Variants in TTC7A observed in about 807,000 individuals in gnomAD.
TTC7A encodes tetratricopeptide repeat protein 7A.
TTC7A carries 110 observed loss-of-function variants against 103.7 expected under a neutral mutation model. That is an observed-to-expected ratio of 1.06 (90% CI 0.91 to 1.24). TTC7A has a LOEUF of 1.24. Ranked by LOEUF, TTC7A falls within the 50% of genes most tolerant of loss-of-function variation. The pLI is 0.00. For missense variants in TTC7A, 1,340 were observed against 1,116.3 expected, an observed-to-expected ratio of 1.20 and a Z score of -2.86; for synonymous variants, 521 against 467.9, an observed-to-expected ratio of 1.11 and a Z score of -1.47.
chr2:47,013,824 G>C (rs1678330119), intron 11 of TTC7A, among the ~76,000 whole-genome samples: 1 of 152,228 alleles, frequency 6.6e-6, no homozygotes, highest in Non-Finnish European at 1.5e-5. Flanking sequence ...GAATCGAGGA[G>C]AAGGGTGAGC....
At chr2:46,966,045 G>T (rs958162091) in intron 3 of TTC7A, among the ~76,000 whole-genome samples, 21 of 151,988 alleles carry the variant, frequency 1.4e-4, no homozygotes, top group African/African-American at 4.6e-4. Context: ...CACCTCCCGG[G>T]TTCAAGCAAT....
intron 2 of TTC7A, among the ~76,000 whole-genome samples, chr2:46,930,515 TTTA>T (rs1669637867): frequency 6.6e-6 from 1 of 150,666 alleles, no homozygotes; most frequent in Non-Finnish European, 1.5e-5. Flanking sequence ...TTTTTTTTTT[TTTA>T]GACAAAGTCT....
intron 4 of TTC7A, among the ~76,000 whole-genome samples, chr2:46,977,399 T>G (rs148824761): frequency 6.6e-6 from 1 of 152,190 alleles, no homozygotes; most frequent in African/African-American, 2.4e-5. Context: ...TGATTTTTTT[T>G]CCCCTCAGAT....
chr2:47,005,232 GA>G (rs929809818), intron 8 of TTC7A, among the ~76,000 whole-genome samples: 71 of 152,160 alleles, frequency 4.7e-4, no homozygotes, highest in South Asian at 8.3e-4. Flanking sequence ...GAGAGGAAGG[GA>G]GGGGGGGGCT....
chr2:47,048,798 ATACTCTGT>A (rs1199396875), intron 16 of TTC7A, among the ~76,000 whole-genome samples: 1 of 151,898 alleles, frequency 6.6e-6, no homozygotes, highest in Non-Finnish European at 1.5e-5. Context: ...AGATGGGGTC[ATACTCTGT>A]TATCCAAGCT....
chr2:46,963,992 G>T (rs556853213), intron 3 of TTC7A, among the ~76,000 whole-genome samples: 1 of 152,318 alleles, frequency 6.6e-6, no homozygotes, highest in Admixed American at 6.5e-5. Context: ...GAAAACCAGG[G>T]TACGGTTATG....
At chr2:46,974,703 T>C (rs1335728074) in intron 3 of TTC7A, 3 of 563,212 alleles carry the variant, frequency 5.3e-6, no homozygotes, top group African/African-American at 3.7e-5. Flanking sequence ...GATACTGCGT[T>C]ACAGAGGAGG....
intron 5 of TTC7A, among the ~76,000 whole-genome samples, chr2:46,989,982 G>C (rs2104359153): frequency 6.6e-6 from 1 of 152,324 alleles, no homozygotes; most frequent in South Asian, 2.1e-4. Flanking sequence ...GACAGTCCTT[G>C]CGGTGGAGTG....
Position 46,995,168 on chromosome 2 carries a change from C to T in TTC7A, c.1034C>T (p.Ala345Val), listed in dbSNP as rs1161080651. The T allele has an allele frequency of 1.9e-6, 3 of 1,614,052 alleles. No individual in the cohort carries two copies. Among genetic ancestry groups the T allele is most frequent in the Non-Finnish European group, 1.7e-6 (2 of 1,180,036 alleles). ...LYCPKDNIEE[A>V]LLLLLISESM... The stretch of plus-strand genomic sequence containing the variant: ...TGCCCCAAGGACAACATCGAGGAAG[C>T]CCTCCTGCTCCTCCTCATCAGCGAA... The change falls in exon 8 of 20, where the codon GCC (alanine) becomes GTC (valine). Residue 345 changes from alanine to valine, a missense_variant. By Grantham distance (64) the Ala-to-Val change is moderately conservative. Transcript: ENST00000319190.
At chr2:47,033,517 G>A (rs914627551) in intron 15 of TTC7A, among the ~76,000 whole-genome samples, 13 of 152,226 alleles carry the variant, frequency 8.5e-5, no homozygotes, top group Non-Finnish European at 1.9e-4. Context: ...ACTGGTGGGG[G>A]AATGGACCCC....
intron 3 of TTC7A, among the ~76,000 whole-genome samples, chr2:46,965,580 T>C (rs2104117083): frequency 6.6e-6 from 1 of 151,312 alleles, no homozygotes; most frequent in Non-Finnish European, 1.5e-5. Flanking sequence ...TTTTTTTTTT[T>C]TGAGACAGTC....
chr2:46,965,728 A>G (rs1170003755), intron 3 of TTC7A, among the ~76,000 whole-genome samples: 1 of 151,766 alleles, frequency 6.6e-6, no homozygotes, highest in Non-Finnish European at 1.5e-5. Context: ...TACCCTGCTA[A>G]TTTTTTGTAT....
chr2:46,928,294 C>T (rs1669505461), intron 2 of TTC7A, among the ~76,000 whole-genome samples: 1 of 151,402 alleles, frequency 6.6e-6, no homozygotes, highest in African/African-American at 2.4e-5. Flanking sequence ...GAAATCTAGG[C>T]AGGTTGTGAA....
chr2:46,963,409 G>T (rs1415022077), intron 3 of TTC7A, among the ~76,000 whole-genome samples: 1 of 152,212 alleles, frequency 6.6e-6, no homozygotes, highest in Non-Finnish European at 1.5e-5. Flanking sequence ...CATGCCCAAG[G>T]TCTCACCTCA....
Position 47,005,909 on chromosome 2 carries a change from G to A in TTC7A, c.1066-13G>A, listed in dbSNP as rs13407983. On this transcript the variant is annotated splice_polypyrimidine_tract_variant and intron_variant, in intron 8 of 19. Transcript: ENST00000319190. The stretch of plus-strand genomic sequence containing the variant: ...CTCTCCTCACTCTTTCCCAAACAAT[G>A]TCCCACCCACAGGCAACTCGAGATG... The A allele has an allele frequency of 0.13, 208,874 of 1,613,518 alleles. 15,110 individuals carry two copies. The highest frequency in any genetic ancestry group is 0.29 in the African/African-American group (21,820 of 74,930).
chr2:47,062,438 CCAGTCAGCT>C, intron 19 of TTC7A, among the ~76,000 whole-genome samples: 1 of 152,366 alleles, frequency 6.6e-6, no homozygotes, highest in African/African-American at 2.4e-5. Context: ...GCATTGCCTT[CCAGTCAGCT>C]CAGCAAATGT....
rs764774455 is a variant in TTC7A, at chr2:46,957,309, G to A, written c.517+302G>A. Among the ~76,000 whole-genome samples the A allele has an allele frequency of 2.6e-4, 40 of 152,224 alleles. 1 individual carries two copies. Among genetic ancestry groups the A allele is most frequent in the Non-Finnish European group, 1.2e-4 (8 of 68,036 alleles). On this transcript the variant is annotated intron_variant, in intron 3 of 19. Transcript: ENST00000319190. Reference sequence around the variant, plus strand: ...CTCAGTTTACTTGTTTGGAAGATACGGTTGTAATACCTGACCTCCCAGGGT... The same window carrying A: ...CTCAGTTTACTTGTTTGGAAGATACAGTTGTAATACCTGACCTCCCAGGGT...
At chr2:46,974,724 G>T in intron 3 of TTC7A, 1 of 587,178 alleles carries the variant, frequency 1.7e-6, no homozygotes, top group Non-Finnish European at 3.2e-6. Flanking sequence ...GGTCAGGAGT[G>T]GCTTCCCCGG....
chr2:47,011,843 C>T (rs1023061882), intron 11 of TTC7A, among the ~76,000 whole-genome samples: 5 of 152,270 alleles, frequency 3.3e-5, no homozygotes, highest in African/African-American at 1.2e-4. Context: ...CAGAGCTGCT[C>T]TTGGCGGAAT....
Sources: allele counts gnomAD v4.1 joint callset (sites outside exome capture counted in the v4.1 genomes callset), GRCh38; gene constraint gnomAD v4.1.1; transcripts MANE v1.5; gene names NCBI Gene and HGNC (gene_info 2026-07-23, HGNC 2026-07-21).